INPP5E: variants seen among roughly 807,000 people sequenced by gnomAD.
INPP5E encodes the protein phosphatidylinositol polyphosphate 5-phosphatase type IV.
In INPP5E, 34 loss-of-function variants were observed where a neutral mutation model predicts 50.5. That is an observed-to-expected ratio of 0.67 (90% CI 0.51 to 0.90). The LOEUF (loss-of-function observed/expected upper bound fraction) is 0.90. Among genes scored for constraint, INPP5E ranks in the 40% least tolerant of loss-of-function variants. INPP5E has a pLI of 0.00. For synonymous variants in INPP5E, 447 were observed against 406.0 expected (o/e 1.10, Z -1.21); for missense variants, 942 against 905.5 (o/e 1.04, Z -0.52).
In INPP5E at chr9:136,433,181, C is replaced by T. The variant is rs758951947; in HGVS notation, c.1133G>A (p.Arg378His). Residue 378 changes from arginine to histidine, a missense_variant, in exon 4 of 10, where the codon CGC becomes CAC. Physicochemically the swap from Arg to His is conservative, Grantham distance 29. Transcript: ENST00000371712. ...TGAGCAGAACCAGATGAGGTCCCTG[C>T]GGATGAAGAGCGACATGTAGAGCAC... is the stretch of plus-strand genomic sequence containing the variant. The part of the protein sequence containing the change: ...HGVLYMSLFI[R>H]RDLIWFCSEV... The T allele has an allele frequency of 3.6e-5, 50 of 1,372,480 alleles. No homozygotes were observed. The highest frequency in any genetic ancestry group is 4.6e-5 in the East Asian group (2 of 43,368). The allele number at this position is 1,372,480 out of a possible 1,614,324, so 85.0% of individuals were successfully genotyped here.
At position 136,430,384 on chromosome 9, in the gene INPP5E, C is replaced by T. The variant is rs1271205772; in HGVS notation, c.1695G>A (p.Lys565=). 2 of 1,556,106 alleles carry T rather than the reference C, an allele frequency of 1.3e-6. No individual in the cohort carries two copies. The highest frequency in any genetic ancestry group is 8.7e-7 in the Non-Finnish European group (1 of 1,149,000). ...AGTAGCTCACAGGACAGATGTCACC[C>T]TTGTGGCGGCTTCTGTACAAGACGC... ...TDRVLYRSRH[K]GDICPVSYSS... The change falls in exon 9 of 10, where the codon AAG becomes AAA. Residue 565 remains lysine, a synonymous_variant. Coordinates refer to ENST00000371712, the MANE Select transcript of INPP5E (RefSeq NM_019892.6).
intron 1 of INPP5E, 36 bp from the exon 2 acceptor site, chr9:136,434,899 C>T (rs1835797253): frequency 2.5e-6 from 4 of 1,587,310 alleles, no homozygotes; most frequent in African/African-American, 1.3e-5. Context: ...GGGCCAGGCA[C>T]AGGACACATC....
At chr9:136,438,234 C>T (rs59410427) in intron 1 of INPP5E, 3,882 of 303,600 alleles carry the variant, frequency 0.013, 183 homozygotes, top group African/African-American at 0.077. Flanking sequence ...GGGATCGCGC[C>T]GCTGCACTCC....
At chr9:136,432,351 G>A (rs1223437468) in intron 6 of INPP5E, 128 bp downstream of exon 6, 1 of 719,378 alleles carries the variant, frequency 1.4e-6, no homozygotes, top group Non-Finnish European at 2.5e-6. Context: ...TGCGCTGGGG[G>A]CACTGGACGT....
chr9:136,439,311 C>T lies in INPP5E; in HGVS notation c.109G>A (p.Gly37Arg). 2.1e-6 allele frequency: 3 copies of T among 1,408,698 alleles called. No homozygotes were observed. Among genetic ancestry groups the T allele is most frequent in the African/African-American group, 3.0e-5 (2 of 66,200 alleles). 87.3% of individuals were successfully genotyped at this position (1,408,698 alleles called of 1,614,324 possible). ...GAGCCCGGAGCATCGGGTGGGGACC[C>T]CGCGCGCTGGGCCGGCGGAGCGCCG... ...LPGAPPAQRAGSPPDAPGSES... is the reference protein window; with the variant it reads ...LPGAPPAQRARSPPDAPGSES... The change falls in exon 1 of 10, where the codon GGG becomes AGG. Residue 37 changes from glycine (G) to arginine (R), a missense_variant. Gly to Arg is a moderately radical substitution (Grantham distance 125, BLOSUM62 -2). Transcript: ENST00000371712.
At position 136,428,762 on chromosome 9, in the gene INPP5E, A is replaced by G. The variant is rs886063708; in HGVS notation, c.*913T>C. Reference sequence around the variant, plus strand: ...GGAATGGGACACAAAGCAAGAATGAACGGTTCTATACTCTCGAAGAAAGAA... The same window carrying G: ...GGAATGGGACACAAAGCAAGAATGAGCGGTTCTATACTCTCGAAGAAAGAA... On this transcript the variant is annotated 3_prime_UTR_variant, in exon 10 of 10. Coordinates refer to ENST00000371712, the MANE Select transcript of INPP5E (RefSeq NM_019892.6). 7 of 152,606 alleles carry G rather than the reference A, an allele frequency of 4.6e-5. No homozygotes were observed. Among genetic ancestry groups the G allele is most frequent in the Non-Finnish European group, 1.5e-5 (1 of 68,046 alleles). 9.5% of individuals were successfully genotyped at this position (152,606 alleles called of 1,614,324 possible). A position where few individuals can be genotyped will look rare whatever the true frequency, so the allele number is the denominator to read the frequency against.
intron 6 of INPP5E, 99 bp from the exon 7 acceptor site, chr9:136,432,084 GTC>G: frequency 6.8e-7 from 1 of 1,477,864 alleles, no homozygotes; most frequent in Non-Finnish European, 9.4e-7. Context: ...GGGGAAGTGG[GTC>G]TTGGGCGCCA....
chr9:136,429,103 C>T lies in INPP5E; in HGVS notation c.*572G>A, dbSNP rs545090232. ...GACTTGCAGCCAAGTGGAGGGGAAC[C>T]GTGCCACGTCCTGGAGGCTGTGTGG... is the stretch of plus-strand genomic sequence containing the variant. On this transcript the variant is annotated 3_prime_UTR_variant, in exon 10 of 10. Transcript: ENST00000371712. 31 of 179,200 alleles carry T rather than the reference C, an allele frequency of 1.7e-4. No individual in the cohort carries two copies. The highest frequency in any genetic ancestry group is 2.8e-4 in the Non-Finnish European group (23 of 83,038). 11.1% of individuals were successfully genotyped at this position (179,200 alleles called of 1,614,324 possible).
intron 5 of INPP5E, 130 bp downstream of exon 5, chr9:136,432,826 T>C: frequency 4.7e-6 from 6 of 1,268,144 alleles, no homozygotes; most frequent in Non-Finnish European, 6.7e-6. Context: ...TTAGCAAGCG[T>C]GGTGCCCACC....
chr9:136,432,600 A>G lies in INPP5E; in HGVS notation c.1280-14T>C. Reference sequence around the variant, plus strand: ...TCCCGTCACCTGCTGTGGGAACAGAAATGGGGTAGGGACCACAGGGTTCCG... The same window carrying G: ...TCCCGTCACCTGCTGTGGGAACAGAGATGGGGTAGGGACCACAGGGTTCCG... On this transcript the variant is annotated splice_polypyrimidine_tract_variant and intron_variant, in intron 5 of 9. Transcript: ENST00000371712. 1 of 1,495,842 alleles carries G rather than the reference A, an allele frequency of 6.7e-7. No individual in the cohort carries two copies. Among genetic ancestry groups the G allele is most frequent in the Non-Finnish European group, 9.1e-7 (1 of 1,098,850 alleles). 92.7% of individuals were successfully genotyped at this position (1,495,842 alleles called of 1,614,324 possible).
intron 1 of INPP5E, chr9:136,437,057 G>A (rs1450575082): frequency 6.6e-6 from 1 of 152,244 alleles, no homozygotes; most frequent in Non-Finnish European, 1.5e-5. Flanking sequence ...TTTACGAGAA[G>A]CCCTGCAGTG....
rs547171151 is a variant in INPP5E, at chr9:136,429,596, A to C, written c.*79T>G. Reference sequence around the variant, plus strand: ...GTCCCTCGGATCCCCGAAAGGCGGCAAACTCTTTGTCCTTCCCAGTGGGTT... The same window carrying C: ...GTCCCTCGGATCCCCGAAAGGCGGCCAACTCTTTGTCCTTCCCAGTGGGTT... On this transcript the variant is annotated 3_prime_UTR_variant, in exon 10 of 10. Coordinates refer to ENST00000371712, the MANE Select transcript of INPP5E (RefSeq NM_019892.6). 6.3e-7 allele frequency: 1 copy of C among 1,582,740 alleles called. No individual in the cohort carries two copies. Among genetic ancestry groups the C allele is most frequent in the African/African-American group, 1.3e-5 (1 of 74,540 alleles).
intron 9 of INPP5E, among the ~76,000 whole-genome samples, 171 bp downstream of exon 9, chr9:136,430,105 TC>T (rs776349871): frequency 8.5e-5 from 13 of 152,134 alleles, no homozygotes; most frequent in African/African-American, 2.2e-4. Flanking sequence ...CCTCTCCCCT[TC>T]CTGCCTTCTC....
chr9:136,433,317 C>T, intron 3 of INPP5E, 38 bp from the exon 4 acceptor site: 1 of 1,547,548 alleles, frequency 6.5e-7, no homozygotes, highest in Non-Finnish European at 8.7e-7. Flanking sequence ...GGGGACATGG[C>T]CTCCCAGCTC....
chr9:136,438,850 G>C lies in INPP5E; in HGVS notation c.570C>G (p.Pro190=), dbSNP rs751744722. ...GGCTCAGGGCAGGCGGTGGGCGCGGGGGCAGCAGGCTGGGCAGCCTGGGCG... is the reference window on the plus strand; with the variant it reads ...GGCTCAGGGCAGGCGGTGGGCGCGGCGGCAGCAGGCTGGGCAGCCTGGGCG... ...GSSPRLPSLL[P]PRPPPALSLD... The change falls in exon 1 of 10, where the codon CCC becomes CCG. Residue 190 remains proline, a synonymous_variant. Coordinates refer to ENST00000371712, the MANE Select transcript of INPP5E (RefSeq NM_019892.6). The C allele has an allele frequency of 5.0e-6, 8 of 1,605,214 alleles. No homozygotes were observed. Among genetic ancestry groups the C allele is most frequent in the Middle Eastern group, 1.6e-4 (1 of 6,072 alleles).
intron 1 of INPP5E, chr9:136,438,137 T>G: frequency 5.5e-6 from 1 of 182,142 alleles, no homozygotes; most frequent in Admixed American, 5.5e-5. Context: ...TAGCTGGGTG[T>G]GGTGGCGGGC....
At chr9:136,437,853 C>T (rs1835861902) in intron 1 of INPP5E, 1 of 152,646 alleles carries the variant, frequency 6.6e-6, no homozygotes. Flanking sequence ...ACTGAGACCC[C>T]AAGACAAGAC....
In INPP5E at chr9:136,431,030, G is replaced by A. The variant is rs916409747; in HGVS notation, c.1637C>T (p.Thr546Ile). The change falls in exon 8 of 10, where the codon ACC (threonine) becomes ATC (isoleucine). Residue 546 changes from threonine (T) to isoleucine (I), a missense_variant. By Grantham distance (89) the Thr-to-Ile change is moderately conservative (BLOSUM62 -1). Transcript: ENST00000371712. ...FDIGKDTYDSTSKQRTPSYTD... is the reference protein window; with the variant it reads ...FDIGKDTYDSISKQRTPSYTD... ...GTATGAGGGCGTCCTCTGCTTGGAGGTGCTGTCGTACGTGTCCTTCCCGAT... is the reference window on the plus strand; with the variant it reads ...GTATGAGGGCGTCCTCTGCTTGGAGATGCTGTCGTACGTGTCCTTCCCGAT... The A allele has an allele frequency of 6.2e-7, 1 of 1,612,982 alleles. No individual in the cohort carries two copies. The highest frequency in any genetic ancestry group is 8.5e-7 in the Non-Finnish European group (1 of 1,179,356).
At chr9:136,430,196 G>A (rs1588830981) in intron 9 of INPP5E, 81 bp downstream of exon 9, 36 of 1,521,284 alleles carry the variant, frequency 2.4e-5, no homozygotes, top group South Asian at 1.9e-4. Flanking sequence ...GGAACCCCAC[G>A]ATGACAGGGA....
Sources: allele counts gnomAD v4.1 joint callset (sites outside exome capture counted in the v4.1 genomes callset), GRCh38; gene constraint gnomAD v4.1.1; transcripts MANE v1.5; gene names NCBI Gene and HGNC (gene_info 2026-07-23, HGNC 2026-07-21).